The following BCKDHB variants were observed in gnomAD, a reference collection of about 807,000 sequenced individuals.
The protein encoded by BCKDHB is 2-oxoisovalerate dehydrogenase subunit beta, mitochondrial.
A neutral mutation model predicts 48.5 loss-of-function variants in BCKDHB; 41 were observed. That is an observed-to-expected ratio of 0.85 (90% CI 0.66 to 1.10). The LOEUF (loss-of-function observed/expected upper bound fraction) is 1.10. Ranked by LOEUF, BCKDHB falls within the 50% of genes least tolerant of loss-of-function variation. The pLI is 0.00. For missense variants in BCKDHB, 496 were observed against 494.2 expected, an observed-to-expected ratio of 1.00 and a Z score of -0.03; for synonymous variants, 201 against 174.8, an observed-to-expected ratio of 1.15 and a Z score of -1.18.
rs151181685 is a variant in BCKDHB at position 80,153,965 on chromosome 6, T to C, written c.344-13713T>C. ...CCCACTACTGTTTTTAATCCTCTTATACTTCAGCCTTCTTGGTTTGCTTCC... is the reference window on the plus strand; with the variant it reads ...CCCACTACTGTTTTTAATCCTCTTACACTTCAGCCTTCTTGGTTTGCTTCC... On this transcript the variant is annotated intron_variant, in intron 3 of 9. Coordinates refer to ENST00000320393, the MANE Select transcript of BCKDHB (RefSeq NM_183050.4). 1.7e-3 allele frequency among the ~76,000 whole-genome samples: 263 copies of C among 152,338 alleles called. 1 individual carries two copies. The highest frequency in any genetic ancestry group is 6.0e-3 in the African/African-American group (249 of 41,582).
chr6:80,250,094 G>A (rs931549247), intron 8 of BCKDHB, among the ~76,000 whole-genome samples: 1 of 152,036 alleles, frequency 6.6e-6, no homozygotes, highest in South Asian at 2.1e-4. Flanking sequence ...GCCTCAGAGA[G>A]TAGTTAGTAT....
At chr6:80,462,113 T>C in the BCKDHB span, among the ~76,000 whole-genome samples, 345 of 152,298 alleles carry the variant, frequency 2.3e-3, 5 homozygotes, top group South Asian at 9.3e-3. Context: ...CCTTTAAGCA[T>C]ATACTGTAGC....
In BCKDHB at chr6:80,106,876, G is replaced by T; in HGVS notation, c.183G>T (p.Glu61Asp). The change falls in exon 1 of 10, where the codon GAG becomes GAT. Residue 61 changes from glutamate (E) to aspartate (D), a missense_variant. Transcript: ENST00000320393. ...ATTTTACTTTCCAGCCAGATCCGGAGCCCCGGGAGTACGGTGAGCCCTGGG... is the reference window on the plus strand; with the variant it reads ...ATTTTACTTTCCAGCCAGATCCGGATCCCCGGGAGTACGGTGAGCCCTGGG... ...VAHFTFQPDP[E>D]PREYGQTQKM... 1.9e-6 allele frequency: 3 copies of T among 1,607,554 alleles called. No homozygotes were observed. Among genetic ancestry groups the T allele is most frequent in the East Asian group, 2.2e-5 (1 of 44,678 alleles).
At chr6:80,122,876 G>A (rs561359668) in intron 1 of BCKDHB, among the ~76,000 whole-genome samples, 1 of 152,176 alleles carries the variant, frequency 6.6e-6, no homozygotes, top group East Asian at 1.9e-4. Flanking sequence ...ATAAGCCTGA[G>A]GGTACTGCAG....
At chr6:80,181,537 G>A (rs908001817) in intron 6 of BCKDHB, among the ~76,000 whole-genome samples, 1 of 152,074 alleles carries the variant, frequency 6.6e-6, no homozygotes, top group African/African-American at 2.4e-5. Context: ...TTCCTCATAG[G>A]TCTATAGTCA....
intron 8 of BCKDHB, among the ~76,000 whole-genome samples, chr6:80,270,243 G>A (rs1412369223): frequency 6.6e-6 from 1 of 152,042 alleles, no homozygotes; most frequent in African/African-American, 2.4e-5. Context: ...GAAAGTATCA[G>A]TCTTCTAAAT....
chr6:80,298,760 GT>G lies in BCKDHB; in HGVS notation c.1038+25540del, dbSNP rs1767399024. Reference sequence around the variant, plus strand: ...AAGGAGAGAGAGGAAAGCGTTGCCTGTGGCAGGGTGGGGAAGATGAAGAGTT... The same window carrying G: ...AAGGAGAGAGAGGAAAGCGTTGCCTGGGCAGGGTGGGGAAGATGAAGAGTT... On this transcript the variant is annotated intron_variant, in intron 9 of 9. Coordinates refer to ENST00000320393, the MANE Select transcript of BCKDHB (RefSeq NM_183050.4). Among the ~76,000 whole-genome samples the G allele has an allele frequency of 2.0e-5, 3 of 152,326 alleles. No homozygotes were observed. The East Asian group carries it at 5.8e-4, about 29-fold the overall frequency.
At chr6:80,351,645 C>CT in the BCKDHB span, among the ~76,000 whole-genome samples, 86,553 of 121,876 alleles carry the variant, frequency 0.71, 33,162 homozygotes, top group Non-Finnish European at 0.84. Flanking sequence ...TTTTTTTTTT[C>CT]TTTTTTTTTT....
chr6:80,218,900 CA>C (rs1775290838), intron 8 of BCKDHB, among the ~76,000 whole-genome samples: 1 of 152,156 alleles, frequency 6.6e-6, no homozygotes, highest in Non-Finnish European at 1.5e-5. Context: ...ATTATGATAA[CA>C]AATATTTTTC....
the BCKDHB span, among the ~76,000 whole-genome samples, chr6:80,464,242 C>T: frequency 6.6e-6 from 1 of 152,034 alleles, no homozygotes; most frequent in African/African-American, 2.4e-5. Context: ...ATTCTCCTGC[C>T]TCGGCCTCCT....
chr6:80,424,073 G>A, the BCKDHB span, among the ~76,000 whole-genome samples: 6 of 152,188 alleles, frequency 3.9e-5, no homozygotes, highest in African/African-American at 9.6e-5. Flanking sequence ...TAAAGTGAGA[G>A]TGTGTCAGAA....
rs73465556 is a variant in BCKDHB, at chr6:80,328,644, G to A, written c.1039-15020G>A. Reference sequence around the variant, plus strand: ...GGAAAACAAATATACCCTCCTGAACGTTGTATAATTGGGTATACAGAAAAC... The same window carrying A: ...GGAAAACAAATATACCCTCCTGAACATTGTATAATTGGGTATACAGAAAAC... On this transcript the variant is annotated intron_variant, in intron 9 of 9. Transcript: ENST00000320393. Among the ~76,000 whole-genome samples, 1,185 of 152,152 alleles carry A rather than the reference G, an allele frequency of 7.8e-3. 10 individuals carry two copies. The highest frequency in any genetic ancestry group is 0.027 in the African/African-American group (1,139 of 41,510).
Position 80,345,706 on chromosome 6 carries a change from T to C in BCKDHB, c.*1902T>C, listed in dbSNP as rs1407410414. On this transcript the variant is annotated 3_prime_UTR_variant, in exon 10 of 10. Coordinates refer to ENST00000320393, the MANE Select transcript of BCKDHB (RefSeq NM_183050.4). ...TGGTTAGAGGACTCCTTCACTTTTG[T>C]TGTCCATGTGGTTCCCTTCCGTGGA... 6.6e-6 allele frequency: 1 copy of C among 152,244 alleles called. No individual in the cohort carries two copies. The highest frequency in any genetic ancestry group is 1.5e-5 in the Non-Finnish European group (1 of 68,048). 9.4% of individuals were successfully genotyped at this position (152,244 alleles called of 1,614,324 possible). A position where few individuals can be genotyped will look rare whatever the true frequency, so the allele number is the denominator to read the frequency against.
At chr6:80,149,908 G>A (rs1771682814) in intron 3 of BCKDHB, among the ~76,000 whole-genome samples, 1 of 151,684 alleles carries the variant, frequency 6.6e-6, no homozygotes, top group South Asian at 2.1e-4. Flanking sequence ...CAGCATACCA[G>A]CATGGCACAT....
intron 4 of BCKDHB, 136 bp downstream of exon 4, chr6:80,167,947 T>C (rs1179183195): frequency 1.0e-6 from 1 of 983,190 alleles, no homozygotes; most frequent in African/African-American, 1.6e-5. Flanking sequence ...ATAATTTTGT[T>C]ATGAGCATAT....
At chr6:80,287,649 T>C (rs1275105811) in intron 9 of BCKDHB, among the ~76,000 whole-genome samples, 1 of 152,160 alleles carries the variant, frequency 6.6e-6, no homozygotes, top group Non-Finnish European at 1.5e-5. Flanking sequence ...AGCAGGTTCC[T>C]GGTTGTTCCC....
intron 8 of BCKDHB, among the ~76,000 whole-genome samples, chr6:80,221,359 G>A (rs1562149149): frequency 6.6e-6 from 1 of 151,960 alleles, no homozygotes; most frequent in Non-Finnish European, 1.5e-5. Context: ...TTTTCCTTTT[G>A]TATTCATGTC....
chr6:80,446,189 T>C, the BCKDHB span, among the ~76,000 whole-genome samples: 16 of 152,248 alleles, frequency 1.1e-4, no homozygotes, highest in African/African-American at 3.6e-4. Flanking sequence ...TCAAATCCAG[T>C]GTAAGTTAAA....
chr6:80,335,697 T>G (rs1769556866), intron 9 of BCKDHB, among the ~76,000 whole-genome samples: 1 of 152,032 alleles, frequency 6.6e-6, no homozygotes, highest in African/African-American at 2.4e-5. Context: ...AAACAGAATG[T>G]TTTGCAGAGA....
Sources: allele counts gnomAD v4.1 joint callset (sites outside exome capture counted in the v4.1 genomes callset), GRCh38; gene constraint gnomAD v4.1.1; transcripts MANE v1.5; gene names NCBI Gene and HGNC (gene_info 2026-07-23, HGNC 2026-07-21).